CHCHD6: variants seen among roughly 807,000 people sequenced by gnomAD.
CHCHD6 encodes the protein MICOS complex subunit MIC25.
In CHCHD6, 28 loss-of-function variants were observed where a neutral mutation model predicts 32.3. The ratio of observed to expected loss-of-function variants is 0.87; its 90% CI spans 0.64 to 1.19. CHCHD6 has a LOEUF of 1.19. CHCHD6 is among the 50% of genes most tolerant of loss of function. The probability of loss-of-function intolerance (pLI) is 0.00; values close to 1 mark genes in which losing one functional copy is unlikely to be tolerated. For missense variants in CHCHD6, 333 were observed against 307.0 expected (o/e 1.08, Z -0.63); for synonymous variants, 122 against 117.5 (o/e 1.04, Z -0.25).
chr3:126,851,783 T>C (rs1374952785), intron 4 of CHCHD6, among the ~76,000 whole-genome samples: 1 of 152,238 alleles, frequency 6.6e-6, no homozygotes, highest in African/African-American at 2.4e-5. Context: ...ATTGAGACCT[T>C]GCCCACTTCT....
At chr3:126,863,768 C>T (rs1942082565) in intron 5 of CHCHD6, among the ~76,000 whole-genome samples, 1 of 150,264 alleles carries the variant, frequency 6.7e-6, no homozygotes, top group Admixed American at 6.6e-5. Flanking sequence ...ACCATCACCT[C>T]CTCCTCCACC....
At chr3:126,862,718 C>CCACCA (rs2107559605) in intron 5 of CHCHD6, among the ~76,000 whole-genome samples, 2 of 67,690 alleles carry the variant, frequency 3.0e-5, no homozygotes, top group African/African-American at 1.3e-4. Flanking sequence ...TCCTCCTCCT[C>CCACCA]TACCATCACC....
At chr3:126,922,966 G>A (rs765862247) in intron 6 of CHCHD6, among the ~76,000 whole-genome samples, 101 of 152,322 alleles carry the variant, frequency 6.6e-4, no homozygotes, top group Non-Finnish European at 1.1e-3. Flanking sequence ...GGGTGGTGGG[G>A]TGAGCCGCCA....
chr3:126,941,234 C>G (rs2078554346), intron 6 of CHCHD6, among the ~76,000 whole-genome samples: 1 of 152,136 alleles, frequency 6.6e-6, no homozygotes, highest in Non-Finnish European at 1.5e-5. Context: ...TAAAGATCTG[C>G]TTTCATTTTA....
Position 126,865,495 on chromosome 3 carries a change from C to T in CHCHD6, c.495+12765C>T. ...TTCATCAACTCCATCACCAACTTCG[C>T]CTTCACCACCACCACCATCTCCACC... On this transcript the variant is annotated intron_variant, in intron 5 of 7. Coordinates refer to ENST00000290913, the MANE Select transcript of CHCHD6 (RefSeq NM_032343.3). 3.3e-6 allele frequency: 3 copies of T among 902,184 alleles called. No individual in the cohort carries two copies. The South Asian group carries it at 1.5e-4, about 46-fold the overall frequency. 55.9% of individuals were successfully genotyped at this position (902,184 alleles called of 1,614,324 possible).
chr3:126,804,045 C>G (rs979111825), intron 4 of CHCHD6, among the ~76,000 whole-genome samples: 1 of 152,086 alleles, frequency 6.6e-6, no homozygotes, highest in Middle Eastern at 3.2e-3. Flanking sequence ...ACCAGAATCT[C>G]TGGGACACAT....
chr3:126,916,227 C>A (rs1444651052), intron 6 of CHCHD6, among the ~76,000 whole-genome samples: 3 of 151,864 alleles, frequency 2.0e-5, no homozygotes, highest in African/African-American at 7.3e-5. Context: ...ATGGTGAAAC[C>A]CCATCTCTAC....
At chr3:126,932,211 G>A (rs985012193) in intron 6 of CHCHD6, among the ~76,000 whole-genome samples, 2 of 152,154 alleles carry the variant, frequency 1.3e-5, no homozygotes, top group African/African-American at 2.4e-5. Context: ...ATAACACCAC[G>A]CTTTGCAGAT....
In CHCHD6 at chr3:126,787,328, G is replaced by A. The variant is rs1938267696; in HGVS notation, c.411+54106G>A. 2.0e-5 allele frequency among the ~76,000 whole-genome samples: 3 copies of A among 152,154 alleles called. No individual in the cohort carries two copies. The South Asian group carries it at 6.2e-4, about 32-fold the overall frequency. On this transcript the variant is annotated intron_variant, in intron 4 of 7. Coordinates refer to ENST00000290913, the MANE Select transcript of CHCHD6 (RefSeq NM_032343.3). Reference sequence around the variant, plus strand: ...TGCGGGCTCTTTTTTGGTTCCATATGAACTTTAAAGTAGTTTTTTCCAATT... The same window carrying A: ...TGCGGGCTCTTTTTTGGTTCCATATAAACTTTAAAGTAGTTTTTTCCAATT...
intron 6 of CHCHD6, among the ~76,000 whole-genome samples, chr3:126,929,881 A>G (rs575034144): frequency 1.3e-5 from 2 of 152,308 alleles, no homozygotes; most frequent in South Asian, 4.2e-4. Context: ...ACTCTTTTAT[A>G]TAAACCTGCT....
At chr3:126,820,275 T>C in intron 4 of CHCHD6, among the ~76,000 whole-genome samples, 1 of 152,150 alleles carries the variant, frequency 6.6e-6, no homozygotes, top group East Asian at 1.9e-4. Context: ...GGTCTGCACA[T>C]CTTTACATAG....
At position 126,850,841 on chromosome 3, in the gene CHCHD6, C is replaced by T. The variant is rs1022699627; in HGVS notation, c.412-1806C>T. Among the ~76,000 whole-genome samples, 3 of 152,296 alleles carry T rather than the reference C, an allele frequency of 2.0e-5. No individual in the cohort carries two copies. In the East Asian group the frequency reaches 5.8e-4, roughly 29 times the overall value. ...GCCCAGCGCAGATTAGCCGTGCTTG[C>T]ATTCCTGGGACACAGCTTCAGCAGC... is the stretch of plus-strand genomic sequence containing the variant. On this transcript the variant is annotated intron_variant, in intron 4 of 7. Coordinates refer to ENST00000290913, the MANE Select transcript of CHCHD6 (RefSeq NM_032343.3).
chr3:126,827,197 T>G (rs1470145683), intron 4 of CHCHD6, among the ~76,000 whole-genome samples: 4 of 152,212 alleles, frequency 2.6e-5, no homozygotes, highest in African/African-American at 9.7e-5. Context: ...TTGGACCTTA[T>G]TCTCTGGGCA....
chr3:126,707,960 A>G (rs1430430389), intron 1 of CHCHD6, among the ~76,000 whole-genome samples: 2 of 152,266 alleles, frequency 1.3e-5, no homozygotes, highest in African/African-American at 4.8e-5. Context: ...CCCTGTCATC[A>G]TAGAGACCTC....
At position 126,811,459 on chromosome 3, in the gene CHCHD6, T is replaced by C. The variant is rs1939650298; in HGVS notation, c.412-41188T>C. On this transcript the variant is annotated intron_variant, in intron 4 of 7. Transcript: ENST00000290913. ...GCAATTAATTAGTTATTTTTAATGT[T>C]TGCTAATCAAACAGAACATCTTGAC... Among the ~76,000 whole-genome samples the C allele has an allele frequency of 6.6e-5, 10 of 152,344 alleles. No homozygotes were observed. In the South Asian group the frequency reaches 2.1e-3, roughly 32 times the overall value.
At chr3:126,868,660 T>C (rs1445367515) in intron 5 of CHCHD6, among the ~76,000 whole-genome samples, 1 of 152,208 alleles carries the variant, frequency 6.6e-6, no homozygotes, top group African/African-American at 2.4e-5. Flanking sequence ...AAAATGGAAT[T>C]GTAACCATGC....
Position 126,924,439 on chromosome 3 carries a change from T to G in CHCHD6, c.566+9689T>G, listed in dbSNP as rs1576609094. Among the ~76,000 whole-genome samples, 3 of 152,304 alleles carry G rather than the reference T, an allele frequency of 2.0e-5. No homozygotes were observed. The South Asian group carries it at 6.2e-4, about 32-fold the overall frequency. On this transcript the variant is annotated intron_variant, in intron 6 of 7. Transcript: ENST00000290913. ...CACTCTCACGTATAGCTTGTATAAT[T>G]AAAAATTAACAAGACTACAAACACA...
chr3:126,935,894 G>A (rs911382728), intron 6 of CHCHD6, among the ~76,000 whole-genome samples: 10 of 152,226 alleles, frequency 6.6e-5, no homozygotes, highest in African/African-American at 2.2e-4. Flanking sequence ...TTTGAAAGAG[G>A]GAAGAACAAT....
chr3:126,834,066 A>AAAAG (rs1276928702), intron 4 of CHCHD6, among the ~76,000 whole-genome samples: 1 of 149,206 alleles, frequency 6.7e-6, no homozygotes, highest in East Asian at 2.1e-4. Context: ...AAAAAAAAAA[A>AAAAG]AAAAAAAAAA....
Sources: allele counts gnomAD v4.1 joint callset (sites outside exome capture counted in the v4.1 genomes callset), GRCh38; gene constraint gnomAD v4.1.1; transcripts MANE v1.5; gene names NCBI Gene and HGNC (gene_info 2026-07-23, HGNC 2026-07-21).